Variants in TDRD7 observed in about 807,000 individuals in gnomAD.
TDRD7 encodes tudor domain-containing protein 7.
A neutral mutation model predicts 109.8 loss-of-function variants in TDRD7; 47 were observed. The observed-to-expected ratio is 0.43, with a 90% confidence interval of 0.34 to 0.55. The LOEUF is 0.55. Ranked by LOEUF, TDRD7 falls within the 20% of genes least tolerant of loss-of-function variation. The pLI is 0.03. For missense variants in TDRD7, 1,164 were observed against 1,319.2 expected, an observed-to-expected ratio of 0.88 and a Z score of 1.82; for synonymous variants, 424 against 457.3, an observed-to-expected ratio of 0.93 and a Z score of 0.93.
In TDRD7 at chr9:97,460,702, A is replaced by G. The variant is rs751933537; in HGVS notation, c.1380A>G (p.Pro460=). The G allele has an allele frequency of 1.9e-6, 3 of 1,614,210 alleles. No homozygotes were observed. The South Asian group carries it at 3.3e-5, about 18-fold the overall frequency. ...EDITVPPLMI[P]TEASPSVLVV... ...TAACAGTTCCTCCTTTAATGATTCC[A>G]ACTGAAGCATCACCATCTGTATTGG... Residue 460 remains proline, a synonymous_variant, in exon 7 of 17, where the codon CCA becomes CCG. Transcript: ENST00000355295.
intron 1 of TDRD7, among the ~76,000 whole-genome samples, chr9:97,416,326 T>C (rs1036811748): frequency 3.3e-5 from 5 of 152,238 alleles, no homozygotes; most frequent in African/African-American, 1.2e-4. Context: ...TTTGTAGCTT[T>C]AGAAAAATTT....
chr9:97,419,381 T>G (rs534181503), intron 1 of TDRD7, among the ~76,000 whole-genome samples: 10 of 152,344 alleles, frequency 6.6e-5, no homozygotes, highest in African/African-American at 2.4e-4. Flanking sequence ...CCACTGTTGC[T>G]TTTACTACTT....
chr9:97,460,532 G>A lies in TDRD7; in HGVS notation c.1210G>A (p.Ala404Thr), dbSNP rs747498675. The A allele has an allele frequency of 1.2e-6, 2 of 1,614,202 alleles. No individual in the cohort carries two copies. The highest frequency in any genetic ancestry group is 2.2e-5 in the East Asian group (1 of 44,866). ...AAATCCCCAGAAGGCCATTCTCTAT[G>A]CTAAACTTCCATTGCCCACTGACAA... ...SGNPQKAILY[A>T]KLPLPTDKIQ... The change falls in exon 7 of 17, where the codon GCT becomes ACT. Residue 404 changes from alanine to threonine, a missense_variant. By Grantham distance (58) the Ala-to-Thr change is moderately conservative. Around this residue, in one of 5 missense-constraint regions of TDRD7, gnomAD observed 407 missense variants for 394.0 expected, o/e 1.03. Coordinates refer to ENST00000355295, the MANE Select transcript of TDRD7 (RefSeq NM_014290.3).
intron 1 of TDRD7, among the ~76,000 whole-genome samples, chr9:97,413,951 C>T (rs1305925276): frequency 1.3e-5 from 2 of 152,186 alleles, no homozygotes; most frequent in Non-Finnish European, 2.9e-5. Context: ...TTTAAGTTCT[C>T]TGTGCAATAT....
intron 13 of TDRD7, chr9:97,480,360 AC>A (rs2131174338): frequency 9.7e-6 from 2 of 205,782 alleles, no homozygotes; most frequent in East Asian, 2.2e-4. Context: ...TGTGCCTGGT[AC>A]CCACGAGGTA....
rs112375494 is a variant in TDRD7 at position 97,481,228 on chromosome 9, A to G, written c.2412+290A>G. On this transcript the variant is annotated intron_variant, in intron 14 of 16. Transcript: ENST00000355295. Reference sequence around the variant, plus strand: ...TTCTCCACTTCTGTTTTGCTTCATGATAAGGGATTAAGTCCCCAACAGAGG... The same window carrying G: ...TTCTCCACTTCTGTTTTGCTTCATGGTAAGGGATTAAGTCCCCAACAGAGG... Among the ~76,000 whole-genome samples the G allele has an allele frequency of 1.1e-3, 174 of 152,352 alleles. 2 individuals are homozygous for G. Among genetic ancestry groups the G allele is most frequent in the African/African-American group, 3.8e-3 (159 of 41,588 alleles).
chr9:97,472,318 T>A lies in TDRD7; in HGVS notation c.1767T>A (p.Pro589=), dbSNP rs1277127110. ...LAGLEVLSDD[P]DLVKVVESLT... is the part of the protein sequence containing the mutation. Reference sequence around the variant, plus strand: ...GCTTGGAAGTCCTAAGCGATGACCCTGATCTAGTGAAGGTGGTTGAATCTT... The same window carrying A: ...GCTTGGAAGTCCTAAGCGATGACCCAGATCTAGTGAAGGTGGTTGAATCTT... Residue 589 remains proline, a synonymous_variant, in exon 10 of 17, where the codon CCT becomes CCA. Transcript: ENST00000355295. The A allele has an allele frequency of 6.2e-7, 1 of 1,613,672 alleles. No individual in the cohort carries two copies. The highest frequency in any genetic ancestry group is 1.3e-5 in the African/African-American group (1 of 74,922).
chr9:97,472,891 C>T (rs1828946934), intron 10 of TDRD7, among the ~76,000 whole-genome samples: 1 of 151,612 alleles, frequency 6.6e-6, no homozygotes, highest in Non-Finnish European at 1.5e-5. Flanking sequence ...AATATCTACC[C>T]AAGAGAATAG....
chr9:97,474,847 A>G (rs1828988059), intron 11 of TDRD7, among the ~76,000 whole-genome samples: 1 of 152,154 alleles, frequency 6.6e-6, no homozygotes, highest in South Asian at 2.1e-4. Context: ...CCCAACTTCA[A>G]ACTACAGCAG....
At position 97,474,753 on chromosome 9, in the gene TDRD7, T is replaced by G. The variant is rs1828985183; in HGVS notation, c.2080-630T>G. On this transcript the variant is annotated intron_variant, in intron 11 of 16. Transcript: ENST00000355295. ...GTGAAAAGGACTCGATATTTCCTACTGCACTCGTAACCTAAGTGAGACATT... is the reference window on the plus strand; with the variant it reads ...GTGAAAAGGACTCGATATTTCCTACGGCACTCGTAACCTAAGTGAGACATT... Among the ~76,000 whole-genome samples, 5 of 152,298 alleles carry G rather than the reference T, an allele frequency of 3.3e-5. No homozygotes were observed. The South Asian group carries it at 1.0e-3, about 32-fold the overall frequency.
chr9:97,438,516 G>C (rs964694823), intron 4 of TDRD7, among the ~76,000 whole-genome samples: 1 of 152,072 alleles, frequency 6.6e-6, no homozygotes, highest in Non-Finnish European at 1.5e-5. Flanking sequence ...TCTGCCCCAG[G>C]CACTTGGGAA....
In TDRD7 at chr9:97,431,075, G is replaced by GT. The variant is rs777393890; in HGVS notation, c.349+2dup. 32 of 1,613,660 alleles carry GT rather than the reference G, an allele frequency of 2.0e-5. No individual in the cohort carries two copies. The highest frequency in any genetic ancestry group is 2.0e-4 in the South Asian group (18 of 91,086). Reference sequence around the variant, plus strand: ...AAAACCATGCCATTTTTTCTAGAAGGTAGGAGCTTTTTACATGCTAAAATT... The same window carrying GT: ...AAAACCATGCCATTTTTTCTAGAAGGTTAGGAGCTTTTTACATGCTAAAATT... On this transcript the variant is annotated splice_donor_variant, in intron 3 of 16. Coordinates refer to ENST00000355295, the MANE Select transcript of TDRD7 (RefSeq NM_014290.3). LOFTEE classifies it high-confidence loss of function.
At chr9:97,473,420 A>T in intron 10 of TDRD7, 72 bp from the exon 11 acceptor site, 1 of 1,596,542 alleles carries the variant, frequency 6.3e-7, no homozygotes, top group Non-Finnish European at 8.6e-7. Flanking sequence ...ATGTTTAGGT[A>T]GATACCCTTT....
At chr9:97,426,956 TA>T (rs1828007616) in intron 1 of TDRD7, among the ~76,000 whole-genome samples, 1 of 152,232 alleles carries the variant, frequency 6.6e-6, no homozygotes. Flanking sequence ...TCCAGTATGG[TA>T]GCCAGTGGCC....
At chr9:97,429,985 A>G (rs1356930979) in intron 2 of TDRD7, among the ~76,000 whole-genome samples, 2 of 152,080 alleles carry the variant, frequency 1.3e-5, no homozygotes, top group African/African-American at 2.4e-5. Flanking sequence ...GGTAGGTAAC[A>G]TTTGTTTTTT....
intron 12 of TDRD7, 109 bp from the exon 13 acceptor site, chr9:97,478,330 A>C (rs1390255700): frequency 2.5e-6 from 3 of 1,177,908 alleles, no homozygotes; most frequent in Non-Finnish European, 3.8e-6. Context: ...TAACACTGAT[A>C]GTCTGTTCCT....
chr9:97,481,492 T>C (rs1829114871), intron 14 of TDRD7, among the ~76,000 whole-genome samples: 1 of 152,146 alleles, frequency 6.6e-6, no homozygotes, highest in Admixed American at 6.5e-5. Flanking sequence ...GAATACAAAT[T>C]TAAGAAGATA....
At chr9:97,456,410 C>CG (rs2118463277) in intron 6 of TDRD7, among the ~76,000 whole-genome samples, 1 of 152,336 alleles carries the variant, frequency 6.6e-6, no homozygotes, top group Non-Finnish European at 1.5e-5. Flanking sequence ...ATCACACTAT[C>CG]TGACTTCAGA....
chr9:97,412,492 G>A lies in TDRD7; in HGVS notation c.-7+254G>A, dbSNP rs142090872. ...AATCTCTGAAGGGACCCTGCTCCGG[G>A]CCGGGCGTTCACGCGGGAGTCGGAC... On this transcript the variant is annotated intron_variant, in intron 1 of 16. Coordinates refer to ENST00000355295, the MANE Select transcript of TDRD7 (RefSeq NM_014290.3). The surrounding 1 kb of genome is among the most constrained non-coding windows in gnomAD (Gnocchi z 4.3). Among the ~76,000 whole-genome samples, 522 of 152,294 alleles carry A rather than the reference G, an allele frequency of 3.4e-3. 3 individuals carry two copies. The highest frequency in any genetic ancestry group is 0.012 in the African/African-American group (481 of 41,556).
Sources: gnomAD v4.1 joint callset for allele counts (sites outside exome capture counted in the v4.1 genomes callset) on GRCh38, gnomAD v4.1.1 for gene constraint, gnomAD v4.1.1 regional missense constraint, Gnocchi (gnomAD v3.1) non-coding constraint, MANE v1.5 for transcripts, NCBI Gene and HGNC (gene_info 2026-07-23, HGNC 2026-07-21) for gene names.